The following UBAC2 variants were observed in gnomAD, a reference collection of about 807,000 sequenced individuals.
The protein encoded by UBAC2 is UBA domain containing 2.
A neutral mutation model predicts 44.0 loss-of-function variants in UBAC2; 26 were observed. That is an observed-to-expected ratio of 0.59 (90% CI 0.43 to 0.82). UBAC2 has a LOEUF of 0.82. UBAC2 is among the 40% of genes least tolerant of loss of function. UBAC2 has a pLI of 0.00. For synonymous variants in UBAC2, 155 were observed against 154.3 expected (o/e 1.00, Z -0.04); for missense variants, 329 against 419.4 (o/e 0.78, Z 1.88).
chr13:99,211,162 A>G (rs921534878), intron 1 of UBAC2, among the ~76,000 whole-genome samples: 3 of 152,212 alleles, frequency 2.0e-5, no homozygotes, highest in Non-Finnish European at 2.9e-5. Context: ...TTAAGTTATT[A>G]CATTTCGTAT....
chr13:99,213,941 T>G (rs1419829588), intron 1 of UBAC2, among the ~76,000 whole-genome samples: 1 of 152,046 alleles, frequency 6.6e-6, no homozygotes, highest in African/African-American at 2.4e-5. Flanking sequence ...TGTCTCAGCC[T>G]TCTAGTAGCT....
intron 7 of UBAC2, among the ~76,000 whole-genome samples, chr13:99,340,784 A>T (rs1460409317): frequency 1.3e-5 from 2 of 152,238 alleles, no homozygotes; most frequent in African/African-American, 4.8e-5. Flanking sequence ...GTCAAACTGG[A>T]CATTCTTGTT....
At chr13:99,260,825 A>G (rs1478854962) in intron 4 of UBAC2, among the ~76,000 whole-genome samples, 1 of 152,154 alleles carries the variant, frequency 6.6e-6, no homozygotes, top group Non-Finnish European at 1.5e-5. Context: ...CTTGCAAAAG[A>G]GGGATTTTAC....
At chr13:99,240,388 AT>A (rs1232303800) in intron 2 of UBAC2, among the ~76,000 whole-genome samples, 6 of 152,238 alleles carry the variant, frequency 3.9e-5, no homozygotes, top group Non-Finnish European at 7.3e-5. Flanking sequence ...AACTGAAAAA[AT>A]GGGGTTCTAG....
At chr13:99,330,261 C>A (rs1477247782) in intron 6 of UBAC2, among the ~76,000 whole-genome samples, 1 of 151,638 alleles carries the variant, frequency 6.6e-6, no homozygotes, top group African/African-American at 2.4e-5. Context: ...GAGTTCGAGA[C>A]CAGCCTGACC....
chr13:99,276,428 C>T lies in UBAC2; in HGVS notation c.389+31804C>T, dbSNP rs562726051. Among the ~76,000 whole-genome samples, 39 of 152,300 alleles carry T rather than the reference C, an allele frequency of 2.6e-4. No homozygotes were observed. In the East Asian group the frequency reaches 3.1e-3, roughly 12 times the overall value. Reference sequence around the variant, plus strand: ...AGGAACGTCTCACAGAACTCAGGAACGTATTTTACTTACGTTTATTGGTTT... The same window carrying T: ...AGGAACGTCTCACAGAACTCAGGAATGTATTTTACTTACGTTTATTGGTTT... On this transcript the variant is annotated intron_variant, in intron 4 of 8. Transcript: ENST00000403766.
intron 4 of UBAC2, among the ~76,000 whole-genome samples, chr13:99,246,499 T>TG (rs35595586): frequency 0.17 from 26,418 of 152,230 alleles, 2,527 homozygotes; most frequent in Middle Eastern, 0.23. Flanking sequence ...TACTGAGTGA[T>TG]GGGAGGTATG....
chr13:99,245,242 T>C (rs921548151), intron 4 of UBAC2, among the ~76,000 whole-genome samples: 2 of 152,242 alleles, frequency 1.3e-5, no homozygotes, highest in Non-Finnish European at 2.9e-5. Context: ...AAATTTGTCT[T>C]TGTAATTTTA....
At chr13:99,257,550 G>A (rs1400745823) in intron 4 of UBAC2, among the ~76,000 whole-genome samples, 1 of 151,438 alleles carries the variant, frequency 6.6e-6, no homozygotes, top group Non-Finnish European at 1.5e-5. Context: ...GCTGACGTTT[G>A]AAAAAAAATG....
rs140947040 is a variant in UBAC2, at chr13:99,221,481, A to G, written c.32-16946A>G. On this transcript the variant is annotated intron_variant, in intron 1 of 8. Coordinates refer to ENST00000403766, the MANE Select transcript of UBAC2 (RefSeq NM_001144072.2). ...TGTAGTCCGGATTATCAGAGCTTGA[A>G]TTCTGGTTCTGCTGCTCACTAGCTT... is the stretch of plus-strand genomic sequence containing the variant. 4.1e-3 allele frequency among the ~76,000 whole-genome samples: 617 copies of G among 152,298 alleles called. 7 individuals carry two copies. Among genetic ancestry groups the G allele is most frequent in the African/African-American group, 0.014 (583 of 41,560 alleles).
intron 1 of UBAC2, among the ~76,000 whole-genome samples, chr13:99,216,842 T>A (rs558163257): frequency 2.6e-5 from 4 of 151,548 alleles, no homozygotes; most frequent in Admixed American, 2.6e-4. Context: ...TTCTTTTTTT[T>A]TTTTTGAGAC....
At chr13:99,347,453 G>T (rs968414079) in intron 7 of UBAC2, among the ~76,000 whole-genome samples, 1 of 151,910 alleles carries the variant, frequency 6.6e-6, no homozygotes, top group South Asian at 2.1e-4. Flanking sequence ...TGCATGAGCT[G>T]GAAGTGGGGG....
At chr13:99,208,909 G>T (rs1020686883) in intron 1 of UBAC2, among the ~76,000 whole-genome samples, 1 of 152,178 alleles carries the variant, frequency 6.6e-6, no homozygotes, top group African/African-American at 2.4e-5. Flanking sequence ...TATTTTGGTC[G>T]ATTTATTTTG....
intron 7 of UBAC2, among the ~76,000 whole-genome samples, chr13:99,353,417 G>A (rs1385670965): frequency 2.0e-5 from 3 of 152,156 alleles, no homozygotes; most frequent in African/African-American, 7.2e-5. Context: ...TTCCAAGACT[G>A]ACTCATTAAG....
intron 5 of UBAC2, among the ~76,000 whole-genome samples, chr13:99,316,906 A>C (rs2044499634): frequency 6.6e-6 from 1 of 152,202 alleles, no homozygotes; most frequent in Admixed American, 6.5e-5. Flanking sequence ...ACACATAGAA[A>C]GTGTTAGCTA....
At chr13:99,237,402 T>C (rs1477972604) in intron 1 of UBAC2, among the ~76,000 whole-genome samples, 2 of 151,976 alleles carry the variant, frequency 1.3e-5, no homozygotes, top group Non-Finnish European at 1.5e-5. Context: ...AAGACAAAGA[T>C]TGCATGTTCT....
chr13:99,332,754 G>A (rs2044734039), intron 6 of UBAC2, among the ~76,000 whole-genome samples: 2 of 152,104 alleles, frequency 1.3e-5, no homozygotes, highest in Non-Finnish European at 2.9e-5. Context: ...CGGAGACTGC[G>A]CCACTGCTGC....
chr13:99,224,414 A>AT (rs898727046), intron 1 of UBAC2, among the ~76,000 whole-genome samples: 1 of 152,160 alleles, frequency 6.6e-6, no homozygotes, highest in Non-Finnish European at 1.5e-5. Context: ...CATAACAGTG[A>AT]TTTTCTGTTT....
At chr13:99,246,046 A>C (rs1223737867) in intron 4 of UBAC2, among the ~76,000 whole-genome samples, 1 of 152,218 alleles carries the variant, frequency 6.6e-6, no homozygotes, top group African/African-American at 2.4e-5. Flanking sequence ...AATTTTAAAT[A>C]TATGTTTTGA....
Sources: gnomAD v4.1 joint callset for allele counts (sites outside exome capture counted in the v4.1 genomes callset) on GRCh38, gnomAD v4.1.1 for gene constraint, MANE v1.5 for transcripts, NCBI Gene and HGNC (gene_info 2026-07-23, HGNC 2026-07-21) for gene names.